IFT74: variants seen among roughly 807,000 people sequenced by gnomAD.
IFT74 encodes intraflagellar transport protein 74 homolog.
A neutral mutation model predicts 96.7 loss-of-function variants in IFT74; 92 were observed. That is an observed-to-expected ratio of 0.95 (90% confidence interval 0.80 to 1.13). The LOEUF (loss-of-function observed/expected upper bound fraction) is 1.13. Among genes scored for constraint, IFT74 ranks in the 50% most tolerant of loss-of-function variants. The probability of loss-of-function intolerance (pLI) is 0.00; values close to 1 mark genes in which losing one functional copy is unlikely to be tolerated. For synonymous variants in IFT74, 223 were observed against 213.2 expected, an observed-to-expected ratio of 1.05 and a Z score of -0.40; for missense variants, 811 against 698.2, an observed-to-expected ratio of 1.16 and a Z score of -1.82.
intron 13 of IFT74, among the ~76,000 whole-genome samples, chr9:27,036,956 C>T (rs374849529): frequency 1.8e-4 from 27 of 152,026 alleles, no homozygotes; most frequent in Admixed American, 1.1e-3. Flanking sequence ...CAGTGGCTCA[C>T]GCCTGTAATC....
intron 16 of IFT74, among the ~76,000 whole-genome samples, chr9:27,051,285 T>A (rs750073792): frequency 1.3e-5 from 2 of 152,192 alleles, no homozygotes; most frequent in Non-Finnish European, 2.9e-5. Context: ...ATTGCTATAT[T>A]TAAGCCTATT....
At chr9:27,011,837 C>T (rs1426863566) in intron 9 of IFT74, 69 bp from the exon 10 acceptor site, 135 of 969,776 alleles carry the variant, frequency 1.4e-4, no homozygotes, top group Non-Finnish European at 1.9e-5. Flanking sequence ...TCCCAGCTCC[C>T]TCCCCCCACT....
At chr9:26,980,760 T>G in intron 4 of IFT74, 141 bp downstream of exon 4, 1 of 572,438 alleles carries the variant, frequency 1.7e-6, no homozygotes, top group Non-Finnish European at 3.1e-6. Context: ...TTTCTAAAAA[T>G]TATTTTGTAT....
chr9:26,965,855 C>G lies in IFT74; in HGVS notation c.120+3768C>G, dbSNP rs112912833. ...ATGTCCGTATGTACCCATTGTTTAGCTCCCACTTATAAGTGAGAACATGCG... is the reference window on the plus strand; with the variant it reads ...ATGTCCGTATGTACCCATTGTTTAGGTCCCACTTATAAGTGAGAACATGCG... On this transcript the variant is annotated intron_variant, in intron 2 of 19. Coordinates refer to ENST00000380062, the MANE Select transcript of IFT74 (RefSeq NM_025103.4). Among the ~76,000 whole-genome samples, 1,216 of 152,208 alleles carry G rather than the reference C, an allele frequency of 8.0e-3. 16 individuals carry two copies. The highest frequency in any genetic ancestry group is 0.028 in the African/African-American group (1,161 of 41,536).
intron 12 of IFT74, among the ~76,000 whole-genome samples, chr9:27,024,056 C>A (rs1242475074): frequency 2.0e-5 from 3 of 152,148 alleles, no homozygotes; most frequent in African/African-American, 7.2e-5. Flanking sequence ...GGAGGCCAAC[C>A]AACACAAACC....
intron 16 of IFT74, among the ~76,000 whole-genome samples, chr9:27,051,406 T>G (rs1819916298): frequency 6.6e-6 from 1 of 152,242 alleles, no homozygotes; most frequent in Non-Finnish European, 1.5e-5. Context: ...TTGGTTTGAC[T>G]GTGAGTATAT....
At position 27,064,420 on chromosome 9, in the gene IFT74, A is replaced by G. The variant is rs1820548226; in HGVS notation, c.*1684A>G. ...TTAAAGAGAATGAAATCTGAAATTC[A>G]GTAGATAAAACAGGTAATAGATTTT... On this transcript the variant is annotated 3_prime_UTR_variant, in exon 20 of 20. Coordinates refer to ENST00000380062, the MANE Select transcript of IFT74 (RefSeq NM_025103.4). Among the ~76,000 whole-genome samples the G allele has an allele frequency of 6.6e-6, 1 of 152,188 alleles. No individual in the cohort carries two copies. Among genetic ancestry groups the G allele is most frequent in the Non-Finnish European group, 1.5e-5 (1 of 67,986 alleles).
At chr9:26,983,675 G>T (rs1032331308) in intron 4 of IFT74, among the ~76,000 whole-genome samples, 1 of 151,928 alleles carries the variant, frequency 6.6e-6, no homozygotes, top group African/African-American at 2.4e-5. Flanking sequence ...AGTTTGACCA[G>T]GCTTTCATTC....
At chr9:26,997,726 A>G (rs1563960509) in intron 8 of IFT74, 2 of 1,586,388 alleles carry the variant, frequency 1.3e-6, no homozygotes, top group East Asian at 2.2e-5. Context: ...ATGATAGCTT[A>G]CCTAATGTCA....
chr9:26,953,383 C>T (rs1319601096), upstream of IFT74, among the ~76,000 whole-genome samples: 3 of 152,108 alleles, frequency 2.0e-5, no homozygotes, highest in Admixed American at 6.5e-5. Context: ...TTCTCTGTAA[C>T]AAACACTGCT....
chr9:26,999,675 G>A, intron 8 of IFT74: 1 of 1,608,386 alleles, frequency 6.2e-7, no homozygotes, highest in Non-Finnish European at 8.5e-7. Flanking sequence ...AAAGAGGATT[G>A]TGATGCCTGT....
intron 2 of IFT74, among the ~76,000 whole-genome samples, chr9:26,966,936 T>G (rs995839545): frequency 6.6e-6 from 1 of 152,088 alleles, no homozygotes; most frequent in African/African-American, 2.4e-5. Context: ...ATTTCCTCAG[T>G]GTATGTTCCT....
chr9:27,037,967 T>A (rs1344669053), intron 13 of IFT74, among the ~76,000 whole-genome samples: 1 of 152,254 alleles, frequency 6.6e-6, no homozygotes, highest in Non-Finnish European at 1.5e-5. Context: ...CTAAGGCAAG[T>A]ACTACCTCAC....
intron 2 of IFT74, among the ~76,000 whole-genome samples, chr9:26,963,605 T>G (rs542547909): frequency 1.3e-5 from 2 of 151,092 alleles, no homozygotes; most frequent in African/African-American, 4.9e-5. Flanking sequence ...TTTCTCCACA[T>G]CCTCTCCAGC....
chr9:27,024,868 C>T (rs1216332317), intron 12 of IFT74, among the ~76,000 whole-genome samples: 1 of 150,864 alleles, frequency 6.6e-6, no homozygotes, highest in East Asian at 2.0e-4. Flanking sequence ...ATGCAAAATA[C>T]ATTGGAAAGT....
chr9:27,026,544 G>T (rs1466561249), intron 12 of IFT74, among the ~76,000 whole-genome samples: 1 of 152,070 alleles, frequency 6.6e-6, no homozygotes, highest in African/African-American at 2.4e-5. Flanking sequence ...CAGCACATGG[G>T]ACGTCCTGCA....
chr9:27,006,831 GTTTTTTTT>G (rs35534656), intron 8 of IFT74, among the ~76,000 whole-genome samples: 1 of 64,342 alleles, frequency 1.6e-5, no homozygotes, highest in Non-Finnish European at 2.9e-5. Flanking sequence ...ATTATTGTGT[GTTTTTTTT>G]TTTTTTTTTT....
intron 8 of IFT74, among the ~76,000 whole-genome samples, chr9:26,990,457 A>G (rs1471118559): frequency 6.6e-6 from 1 of 152,176 alleles, no homozygotes; most frequent in East Asian, 1.9e-4. Context: ...CTTATGATGG[A>G]TAAGAACATC....
intron 1 of IFT74, among the ~76,000 whole-genome samples, chr9:26,948,445 A>ATTTTTTTTTTTTTT (rs1554662864): frequency 8.5e-5 from 4 of 47,312 alleles, no homozygotes; most frequent in Non-Finnish European, 1.5e-4. Context: ...ATGGCTTTCC[A>ATTTTTTTTTTTTTT]TTATTTTTTT....
Sources: gnomAD v4.1 joint callset for allele counts (sites outside exome capture counted in the v4.1 genomes callset) on GRCh38, gnomAD v4.1.1 for gene constraint, MANE v1.5 for transcripts, NCBI Gene and HGNC (gene_info 2026-07-23, HGNC 2026-07-21) for gene names.